The following CANX variants were observed in gnomAD, a reference collection of about 807,000 sequenced individuals.
CANX encodes epididymis secretory sperm binding protein.
CANX carries 14 observed loss-of-function variants against 75.7 expected under a neutral mutation model. The observed-to-expected ratio is 0.19, with a 90% CI of 0.12 to 0.29. CANX has a LOEUF of 0.29. CANX is among the 10% of genes least tolerant of loss of function. CANX has a pLI of 1.00. For missense variants in CANX, 567 were observed against 713.2 expected (o/e 0.79, Z 2.34); for synonymous variants, 227 against 236.9 (o/e 0.96, Z 0.38).
At chr5:179,728,396 AC>A (rs1464269403) in intron 14 of CANX, among the ~76,000 whole-genome samples, 194 bp from the exon 15 acceptor site, 2 of 152,232 alleles carry the variant, frequency 1.3e-5, no homozygotes, top group Non-Finnish European at 2.9e-5. Context: ...AACAATAAAG[AC>A]TAAACTGAAT....
At chr5:179,685,528 G>A (rs1430236904) in intron 1 of CANX, among the ~76,000 whole-genome samples, 19 of 145,822 alleles carry the variant, frequency 1.3e-4, no homozygotes, top group Middle Eastern at 3.8e-3. Context: ...GATTACAGGC[G>A]TGAGCCACCG....
chr5:179,685,396 G>GTGC (rs1377899921), intron 1 of CANX, among the ~76,000 whole-genome samples: 1 of 150,876 alleles, frequency 6.6e-6, no homozygotes. Context: ...TTACAAGCAT[G>GTGC]TGCCACCATG....
chr5:179,698,629 G>A, upstream of CANX: 3 of 1,263,232 alleles, frequency 2.4e-6, no homozygotes, highest in Non-Finnish European at 3.1e-6. Context: ...GGTTGGGTTG[G>A]AACGCCCCGA....
At chr5:179,707,388 T>C (rs1192992014) in intron 4 of CANX, among the ~76,000 whole-genome samples, 198 bp downstream of exon 4, 3 of 152,024 alleles carry the variant, frequency 2.0e-5, no homozygotes, top group African/African-American at 7.2e-5. Flanking sequence ...ATCGAGACCA[T>C]CCTGGCTAAC....
intron 1 of CANX, among the ~76,000 whole-genome samples, chr5:179,685,300 G>A (rs1776170826): frequency 6.6e-6 from 1 of 151,970 alleles, no homozygotes; most frequent in Non-Finnish European, 1.5e-5. Flanking sequence ...TTGAGATGGA[G>A]TTTCACTCTT....
chr5:179,726,276 G>A (rs886149721), intron 13 of CANX, among the ~76,000 whole-genome samples: 4 of 149,208 alleles, frequency 2.7e-5, no homozygotes, highest in Non-Finnish European at 3.0e-5. Context: ...GACAAGCAAA[G>A]TCGATCTCAA....
intron 1 of CANX, among the ~76,000 whole-genome samples, chr5:179,686,026 C>A (rs1013807024): frequency 6.6e-6 from 1 of 151,632 alleles, no homozygotes; most frequent in African/African-American, 2.4e-5. Context: ...ATTTGCATTT[C>A]TCTAACAGCC....
At chr5:179,716,015 GC>G (rs779100186) in intron 7 of CANX, 89 bp from the exon 8 acceptor site, 35 of 977,246 alleles carry the variant, frequency 3.6e-5, no homozygotes, top group Non-Finnish European at 5.2e-5. Flanking sequence ...GACTTCTGCT[GC>G]TTCACGTTAG....
In CANX at chr5:179,728,629, G is replaced by A. The variant is rs150427527; in HGVS notation, c.1764G>A (p.Lys588=). 4.0e-5 allele frequency: 65 copies of A among 1,608,744 alleles called. No homozygotes were observed. The African/African-American group carries it at 7.7e-4, about 19-fold the overall frequency. Reference sequence around the variant, plus strand: ...TGAACAGATCACCAAGAAACAGAAAGCCACGAAGAGAGTGAAACAATCTTA... The same window carrying A: ...TGAACAGATCACCAAGAAACAGAAAACCACGAAGAGAGTGAAACAATCTTA... ...EILNRSPRNR[K]PRRE is the part of the protein sequence containing the mutation. The change falls in exon 15 of 15, where the codon AAG becomes AAA. Residue 588 remains lysine, a synonymous_variant. Coordinates refer to ENST00000247461, the MANE Select transcript of CANX (RefSeq NM_001746.4).
At chr5:179,683,449 A>G (rs1006339876) in intron 1 of CANX, among the ~76,000 whole-genome samples, 1 of 149,726 alleles carries the variant, frequency 6.7e-6, no homozygotes, top group African/African-American at 2.5e-5. Flanking sequence ...ATATATTTAT[A>G]ATGTATAATG....
At chr5:179,703,929 GGAGAA>G (rs1246552136) in intron 1 of CANX, among the ~76,000 whole-genome samples, 2 of 152,304 alleles carry the variant, frequency 1.3e-5, no homozygotes, top group African/African-American at 4.8e-5. Context: ...TGTCAGTAAT[GGAGAA>G]GAGTGAAAGA....
At chr5:179,724,581 G>T (rs1778526570) in intron 12 of CANX, 76 bp from the exon 13 acceptor site, 1 of 1,237,232 alleles carries the variant, frequency 8.1e-7, no homozygotes, top group African/African-American at 1.5e-5. Context: ...ACAGAACTTT[G>T]CCTGTAGGCA....
chr5:179,680,825 T>C, intron 1 of CANX: 1 of 1,455,216 alleles, frequency 6.9e-7, no homozygotes, highest in Non-Finnish European at 9.3e-7. Context: ...TAATTCATAA[T>C]ACACTTATCC....
At chr5:179,723,511 C>A (rs1032826159) in intron 11 of CANX, 149 bp from the exon 12 acceptor site, 3 of 754,010 alleles carry the variant, frequency 4.0e-6, no homozygotes, top group African/African-American at 3.6e-5. Context: ...GAGGCTTTCT[C>A]TAATTTCTTT....
chr5:179,717,789 C>T (rs1010741296), intron 8 of CANX, among the ~76,000 whole-genome samples: 3 of 151,804 alleles, frequency 2.0e-5, no homozygotes, highest in Non-Finnish European at 2.9e-5. Context: ...CATCACGGCT[C>T]ACTGCAACCT....
At chr5:179,694,237 C>T, upstream of CANX, 1 of 376,630 alleles carries the variant, frequency 2.7e-6, no homozygotes, top group Non-Finnish European at 4.9e-6. Context: ...GGCAAGATGT[C>T]TGCTTATGTC....
At chr5:179,679,319 A>G in intron 1 of CANX, 2 of 1,385,282 alleles carry the variant, frequency 1.4e-6, no homozygotes, top group Non-Finnish European at 1.9e-6. Flanking sequence ...CGCCTCTCAA[A>G]CCGCGAGGCC....
intron 1 of CANX, among the ~76,000 whole-genome samples, chr5:179,682,252 C>CAAAAAAAAA (rs57777599): frequency 7.7e-6 from 1 of 129,322 alleles, no homozygotes; most frequent in African/African-American, 2.9e-5. Context: ...AACTCCATCT[C>CAAAAAAAAA]AAAAAAAAAA....
chr5:179,696,520 C>T (rs1776408502), upstream of CANX, among the ~76,000 whole-genome samples: 1 of 152,064 alleles, frequency 6.6e-6, no homozygotes, highest in South Asian at 2.1e-4. Flanking sequence ...AGGTAATCCG[C>T]CCGCCTCAGC....
Sources: gnomAD v4.1 joint callset for allele counts (sites outside exome capture counted in the v4.1 genomes callset) on GRCh38, gnomAD v4.1.1 for gene constraint, MANE v1.5 for transcripts, NCBI Gene and HGNC (gene_info 2026-07-23, HGNC 2026-07-21) for gene names.